Variants in ATP10A observed in about 807,000 individuals in gnomAD.
ATP10A encodes the protein phospholipid-transporting ATPase VA.
In ATP10A, 111 loss-of-function variants were observed where a neutral mutation model predicts 147.8. That is an observed-to-expected ratio of 0.75 (90% confidence interval 0.64 to 0.88). ATP10A has a LOEUF of 0.88. Ranked by LOEUF, ATP10A falls within the 40% of genes least tolerant of loss-of-function variation. ATP10A has a pLI of 0.00. For synonymous variants in ATP10A, 875 were observed against 841.6 expected (o/e 1.04, Z -0.69); for missense variants, 1,927 against 1,959.0 (o/e 0.98, Z 0.31).
intron 6 of ATP10A, among the ~76,000 whole-genome samples, chr15:25,723,666 G>A (rs1222396986): frequency 6.6e-6 from 1 of 151,852 alleles, no homozygotes; most frequent in Non-Finnish European, 1.5e-5. Context: ...AACCCTCAAA[G>A]CACAAGAACC....
At position 25,723,884 on chromosome 15, in the gene ATP10A, T is replaced by C. The variant is rs751807970; in HGVS notation, c.1110+7A>G. 5.0e-6 allele frequency: 8 copies of C among 1,590,394 alleles called. No homozygotes were observed. In the Middle Eastern group the frequency reaches 6.7e-4, roughly 133 times the overall value. On this transcript the variant is annotated splice_region_variant and intron_variant, in intron 6 of 20. Transcript: ENST00000555815. ...AGCAATTATTGTACGATACTTAGTA[T>C]TGTTACCTGCAGAACTATTATCATT...
chr15:25,764,998 G>A (rs903066479), intron 2 of ATP10A, among the ~76,000 whole-genome samples: 4 of 152,166 alleles, frequency 2.6e-5, no homozygotes, highest in Non-Finnish European at 5.9e-5. Flanking sequence ...TTTGTCTGTG[G>A]AATGCTAGTG....
intron 2 of ATP10A, among the ~76,000 whole-genome samples, chr15:25,775,577 C>T (rs1421658853): frequency 6.6e-6 from 1 of 152,240 alleles, no homozygotes; most frequent in Non-Finnish European, 1.5e-5. Context: ...GGAACACGCA[C>T]CACTGTGCAC....
chr15:25,722,665 G>T (rs991495119), intron 6 of ATP10A, among the ~76,000 whole-genome samples: 2 of 152,268 alleles, frequency 1.3e-5, no homozygotes, highest in Admixed American at 1.3e-4. Context: ...AACAAAATTT[G>T]CATTTATTTA....
chr15:25,713,550 A>G (rs962007915), intron 10 of ATP10A, 124 bp downstream of exon 10: 24 of 1,023,482 alleles, frequency 2.3e-5, no homozygotes, highest in South Asian at 8.9e-5. Flanking sequence ...CAATTCTCCA[A>G]TGGGCATTTC....
chr15:25,784,041 A>G (rs1890048232), intron 1 of ATP10A, among the ~76,000 whole-genome samples: 1 of 152,238 alleles, frequency 6.6e-6, no homozygotes, highest in African/African-American at 2.4e-5. Flanking sequence ...TGACATATCT[A>G]GCCATGTGCC....
intron 1 of ATP10A, among the ~76,000 whole-genome samples, chr15:25,782,263 A>G (rs1367066359): frequency 6.6e-6 from 1 of 152,308 alleles, no homozygotes; most frequent in East Asian, 1.9e-4. Context: ...TGAGAGAGGC[A>G]GAATGGAGAG....
chr15:25,773,673 TAGAA>T (rs1189988345), intron 2 of ATP10A, among the ~76,000 whole-genome samples: 3 of 152,178 alleles, frequency 2.0e-5, no homozygotes, highest in Admixed American at 6.5e-5. Context: ...TTAGAGATAA[TAGAA>T]AGTGACAACC....
intron 12 of ATP10A, among the ~76,000 whole-genome samples, chr15:25,706,837 G>T (rs532399822): frequency 1.3e-4 from 20 of 152,298 alleles, no homozygotes; most frequent in Admixed American, 3.3e-4. Context: ...GGTCAATGAG[G>T]CTGGGCGGGC....
At chr15:25,681,095 G>A (rs1333467169) in intron 17 of ATP10A, 21 bp from the exon 18 acceptor site, 1 of 1,607,408 alleles carries the variant, frequency 6.2e-7, no homozygotes, top group East Asian at 2.2e-5. Context: ...AAAACAATCA[G>A]TGATGTTACA....
chr15:25,846,684 G>T (rs1181184037), intron 1 of ATP10A, among the ~76,000 whole-genome samples: 2 of 152,166 alleles, frequency 1.3e-5, no homozygotes, highest in African/African-American at 4.8e-5. Context: ...CACGTGCAAT[G>T]TTCCTTCAGT....
At chr15:25,773,249 A>G (rs1375750808) in intron 2 of ATP10A, among the ~76,000 whole-genome samples, 1 of 152,186 alleles carries the variant, frequency 6.6e-6, no homozygotes, top group Non-Finnish European at 1.5e-5. Flanking sequence ...ACAGCCTTCC[A>G]CTTGAGGAGC....
chr15:25,841,276 AG>A (rs1296388486), intron 1 of ATP10A, among the ~76,000 whole-genome samples: 1 of 63,978 alleles, frequency 1.6e-5, no homozygotes, highest in Non-Finnish European at 4.5e-5. Flanking sequence ...TGTGAGGTTT[AG>A]GGTTTTTTTT....
intron 15 of ATP10A, 22 bp downstream of exon 15, chr15:25,691,693 G>C: frequency 6.2e-7 from 1 of 1,613,650 alleles, no homozygotes; most frequent in Non-Finnish European, 8.5e-7. Flanking sequence ...TGGTCACACA[G>C]AATAGCCTGA....
intron 1 of ATP10A, among the ~76,000 whole-genome samples, chr15:25,835,119 A>T (rs1233704611): frequency 6.6e-6 from 1 of 152,172 alleles, no homozygotes; most frequent in Admixed American, 6.5e-5. Flanking sequence ...AAAAACAAAA[A>T]TTAGCTGGGC....
intron 1 of ATP10A, among the ~76,000 whole-genome samples, chr15:25,789,657 C>T (rs752436725): frequency 1.3e-5 from 2 of 151,832 alleles, no homozygotes; most frequent in Non-Finnish European, 2.9e-5. Context: ...CTAAAATTAT[C>T]GCAGATTTCA....
intron 4 of ATP10A, among the ~76,000 whole-genome samples, chr15:25,726,910 A>G (rs1207028841): frequency 1.4e-5 from 2 of 140,672 alleles, no homozygotes; most frequent in Non-Finnish European, 1.6e-5. Flanking sequence ...AAAAAAAAAA[A>G]GGAGCCGGGC....
intron 2 of ATP10A, among the ~76,000 whole-genome samples, chr15:25,763,005 T>C (rs1308353664): frequency 1.3e-5 from 2 of 152,198 alleles, no homozygotes; most frequent in African/African-American, 4.8e-5. Flanking sequence ...GACACACATT[T>C]TCCCAAACTT....
chr15:25,706,803 C>T (rs1479479571), intron 12 of ATP10A, among the ~76,000 whole-genome samples: 2 of 152,178 alleles, frequency 1.3e-5, no homozygotes, highest in East Asian at 1.9e-4. Flanking sequence ...AGGTGCCCCA[C>T]AGTGAAGGGT....
Sources: allele counts gnomAD v4.1 joint callset (sites outside exome capture counted in the v4.1 genomes callset), GRCh38; gene constraint gnomAD v4.1.1; transcripts MANE v1.5; gene names NCBI Gene and HGNC (gene_info 2026-07-23, HGNC 2026-07-21).